The following N4BP2L2 variants were observed in gnomAD, a reference collection of about 807,000 sequenced individuals.
N4BP2L2 encodes NEDD4 binding protein 2 like 2.
In N4BP2L2, 50 loss-of-function variants were observed where a neutral mutation model predicts 56.2. The ratio of observed to expected loss-of-function variants is 0.89; its 90% CI spans 0.71 to 1.13. The LOEUF (loss-of-function observed/expected upper bound fraction) is 1.13, where lower values mean the gene tolerates loss of function less well. Ranked by LOEUF, N4BP2L2 falls within the 50% of genes most tolerant of loss-of-function variation. The pLI, the probability that N4BP2L2 is intolerant of heterozygous loss-of-function variation, is 0.00. For missense variants in N4BP2L2, 689 were observed against 693.8 expected (o/e 0.99, Z 0.08); for synonymous variants, 203 against 223.6 (o/e 0.91, Z 0.82).
chr13:32,531,781 G>A (rs2054869327), intron 2 of N4BP2L2, among the ~76,000 whole-genome samples: 1 of 152,122 alleles, frequency 6.6e-6, no homozygotes, highest in Admixed American at 6.5e-5. Context: ...AAAACAACAG[G>A]AATTTATCTT....
At chr13:32,503,426 C>T (rs959894398) in intron 6 of N4BP2L2, among the ~76,000 whole-genome samples, 1 of 152,040 alleles carries the variant, frequency 6.6e-6, no homozygotes. Flanking sequence ...GTTAATCCCA[C>T]AAAGCAAGAC....
chr13:32,459,091 T>C (rs984020073), intron 6 of N4BP2L2, among the ~76,000 whole-genome samples: 1 of 151,816 alleles, frequency 6.6e-6, no homozygotes, highest in African/African-American at 2.4e-5. Flanking sequence ...TTGAAACAAA[T>C]GAAAATGGAA....
chr13:32,468,678 C>T (rs1432208923), intron 6 of N4BP2L2, among the ~76,000 whole-genome samples: 1 of 152,178 alleles, frequency 6.6e-6, no homozygotes, highest in Non-Finnish European at 1.5e-5. Context: ...GTTTAGGGTG[C>T]AGGTGCATAC....
At chr13:32,495,645 A>G (rs1466057298) in intron 6 of N4BP2L2, among the ~76,000 whole-genome samples, 1 of 151,928 alleles carries the variant, frequency 6.6e-6, no homozygotes, top group Non-Finnish European at 1.5e-5. Context: ...ACCCAGCAGG[A>G]GACACCAGTG....
intron 6 of N4BP2L2, among the ~76,000 whole-genome samples, chr13:32,466,642 G>A (rs2081294855): frequency 6.6e-6 from 1 of 152,116 alleles, no homozygotes; most frequent in African/African-American, 2.4e-5. Context: ...ATATTGTTTG[G>A]GTTTATGCTA....
chr13:32,461,772 TTTG>T (rs1197008325), intron 6 of N4BP2L2, among the ~76,000 whole-genome samples: 1 of 151,904 alleles, frequency 6.6e-6, no homozygotes, highest in Non-Finnish European at 1.5e-5. Flanking sequence ...CTGGCTAATT[TTTG>T]TTGTTGTTGT....
Position 32,526,818 on chromosome 13 carries a change from G to GTTTTTTTTTTTT in N4BP2L2, c.1384+578_1384+589dup, listed in dbSNP as rs35925361. Reference sequence around the variant, plus strand: ...CTGAGGCCAGGCACACTTTTTGTCTGTTTTTTTTTTTTTTTTTTTTTTTTT... The same window carrying GTTTTTTTTTTTT: ...CTGAGGCCAGGCACACTTTTTGTCTGTTTTTTTTTTTTTTTTTTTTTTTTTTTTTTTTTTTTT... On this transcript the variant is annotated intron_variant, in intron 3 of 5. Transcript: ENST00000267068. 94 of 24,240 alleles carry GTTTTTTTTTTTT rather than the reference G, an allele frequency of 3.9e-3. 21 individuals are homozygous for GTTTTTTTTTTTT. The highest frequency in any genetic ancestry group is 6.6e-3 in the African/African-American group (48 of 7,322). 1.5% of individuals were successfully genotyped at this position (24,240 alleles called of 1,614,324 possible). A position where few individuals can be genotyped will look rare whatever the true frequency, so the allele number is the denominator to read the frequency against.
chr13:32,501,102 A>T (rs2089925112), intron 6 of N4BP2L2, among the ~76,000 whole-genome samples: 2 of 152,126 alleles, frequency 1.3e-5, no homozygotes, highest in South Asian at 4.1e-4. Flanking sequence ...TCCCGACCTC[A>T]AGTGATCTGC....
chr13:32,433,636 A>AATG (rs2075087948), intron 9 of N4BP2L2, among the ~76,000 whole-genome samples: 2 of 148,906 alleles, frequency 1.3e-5, no homozygotes, highest in East Asian at 4.0e-4. Flanking sequence ...TAATAATAAT[A>AATG]ATAAAAAAGG....
At position 32,536,272 on chromosome 13, in the gene N4BP2L2, T is replaced by TA; in HGVS notation, c.755dup (p.Ile253AsnfsTer6). 1 of 1,613,740 alleles carries TA rather than the reference T, an allele frequency of 6.2e-7. No homozygotes were observed. Among genetic ancestry groups the TA allele is most frequent in the South Asian group, 1.1e-5 (1 of 91,062 alleles). On this transcript the variant is annotated frameshift_variant, in exon 2 of 6. Coordinates refer to ENST00000267068, the Ensembl canonical transcript of N4BP2L2. LOFTEE classifies it high-confidence loss of function. ...ATGAAGTGTCACAAAATGTAGGTAT[T>TA]ACTTGTCCATTACAGGGATATTTGT...
chr13:32,442,848 G>A lies in N4BP2L2; in HGVS notation c.1644C>T (p.Ile548=), dbSNP rs750434350. 35 of 1,613,590 alleles carry A rather than the reference G, an allele frequency of 2.2e-5. No individual in the cohort carries two copies. In the South Asian group the frequency reaches 3.6e-4, roughly 17 times the overall value. The change falls in exon 7 of 10, where the codon ATC becomes ATT. Residue 548 remains isoleucine (I), a synonymous_variant. Transcript: ENST00000357505. ...CATCAATATTTAAAGGGGTAGCTTT[G>A]ATAATATCAAGGTAAAACCACAATG...
At chr13:32,517,686 A>ACATCCTTTGTGAGG in exon 6 of N4BP2L2, 1 of 1,432,464 alleles carries the variant, frequency 7.0e-7, no homozygotes, top group Non-Finnish European at 9.1e-7. Flanking sequence ...CTTGCTGGGA[A>ACATCCTTTGTGAGG]CATCCTTTGT....
downstream of N4BP2L2, among the ~76,000 whole-genome samples, chr13:32,509,979 C>CG (rs2091519101): frequency 6.6e-6 from 1 of 152,100 alleles, no homozygotes; most frequent in African/African-American, 2.4e-5. Context: ...GAATTCTGTA[C>CG]TTCAAGATTT....
intron 6 of N4BP2L2, among the ~76,000 whole-genome samples, chr13:32,444,558 C>T (rs755979331): frequency 1.9e-4 from 29 of 152,162 alleles, no homozygotes; most frequent in Middle Eastern, 3.4e-3. Context: ...TGAGCCACTG[C>T]GCTGGCCATA....
At chr13:32,459,352 T>C (rs374005322) in intron 6 of N4BP2L2, among the ~76,000 whole-genome samples, 1 of 152,194 alleles carries the variant, frequency 6.6e-6, no homozygotes, top group East Asian at 1.9e-4. Context: ...AAAAAGTGTT[T>C]TTTTTGAGAT....
exon 3 of N4BP2L2, chr13:32,527,437 C>A (rs149866043): frequency 1.2e-6 from 2 of 1,613,966 alleles, no homozygotes; most frequent in Non-Finnish European, 1.7e-6. Context: ...ATGGGCATCA[C>A]CAAGTTGATT....
At chr13:32,503,253 T>C (rs573194488) in intron 6 of N4BP2L2, among the ~76,000 whole-genome samples, 1 of 151,514 alleles carries the variant, frequency 6.6e-6, no homozygotes, top group South Asian at 2.1e-4. Flanking sequence ...TTTAATTAAA[T>C]TTAAAGTATA....
Position 32,445,112 on chromosome 13 carries a change from G to A in N4BP2L2, c.366-986C>T, listed in dbSNP as rs1019561473. 8.5e-5 allele frequency among the ~76,000 whole-genome samples: 13 copies of A among 152,114 alleles called. 1 individual carries two copies. The highest frequency in any genetic ancestry group is 1.9e-4 in the African/African-American group (8 of 41,428). ...AAAAATACAAAAAAATTAGCTGGGCGTGGTGGTTCACTCCTATAATCCTAG... is the reference window on the plus strand; with the variant it reads ...AAAAATACAAAAAAATTAGCTGGGCATGGTGGTTCACTCCTATAATCCTAG... On this transcript the variant is annotated intron_variant, in intron 6 of 9. Transcript: ENST00000357505.
chr13:32,504,425 C>CT (rs1034702670), intron 6 of N4BP2L2: 5 of 152,208 alleles, frequency 3.3e-5, no homozygotes, highest in Non-Finnish European at 5.9e-5. Context: ...ATGATCTTCC[C>CT]TTTGTGTTTG....
Sources: gnomAD v4.1 joint callset for allele counts (sites outside exome capture counted in the v4.1 genomes callset) on GRCh38, gnomAD v4.1.1 for gene constraint, MANE v1.5 for transcripts, NCBI Gene and HGNC (gene_info 2026-07-23, HGNC 2026-07-21) for gene names.